The following TMPRSS9 variants were observed in gnomAD, a reference collection of about 807,000 sequenced individuals.
The protein encoded by TMPRSS9 is transmembrane serine protease 9.
Under a neutral mutation model 111.4 loss-of-function variants are expected in TMPRSS9, and 113 were observed. That is an observed-to-expected ratio of 1.01 (90% CI 0.87 to 1.19). TMPRSS9 has a LOEUF of 1.19. Ranked by LOEUF, TMPRSS9 falls within the 50% of genes most tolerant of loss-of-function variation. The pLI, the probability that TMPRSS9 is intolerant of heterozygous loss-of-function variation, is 0.00. For synonymous variants in TMPRSS9, 805 were observed against 659.1 expected (o/e 1.22, Z -3.39); for missense variants, 1,803 against 1,513.1 (o/e 1.19, Z -3.18).
chr19:2,411,006 A>G (rs1185534065), intron 9 of TMPRSS9, among the ~76,000 whole-genome samples: 1 of 152,116 alleles, frequency 6.6e-6, no homozygotes, highest in Non-Finnish European at 1.5e-5. Context: ...GCTCAACTCA[A>G]GAAGGTTCCA....
intron 1 of TMPRSS9, among the ~76,000 whole-genome samples, chr19:2,384,304 G>A (rs1401763567): frequency 6.6e-6 from 1 of 152,232 alleles, no homozygotes; most frequent in Non-Finnish European, 1.5e-5. Flanking sequence ...ACCCTCTGCA[G>A]AGAAAGGCGT....
chr19:2,414,718 T>C (rs191058699), intron 10 of TMPRSS9, among the ~76,000 whole-genome samples: 360 of 150,904 alleles, frequency 2.4e-3, no homozygotes, highest in Non-Finnish European at 3.6e-3. Context: ...ATACTAAAAA[T>C]TAGCTGGGCA....
chr19:2,418,294 T>C (rs1284457737), intron 13 of TMPRSS9, among the ~76,000 whole-genome samples, 156 bp downstream of exon 14: 1,435 of 78,178 alleles, frequency 0.018, 120 homozygotes, highest in East Asian at 0.16. Context: ...TTTCCTCCTT[T>C]CCTTCCCTCC....
intron 1 of TMPRSS9, among the ~76,000 whole-genome samples, chr19:2,379,616 T>TCTTTCTTTCTTTCTTC (rs1568170711): frequency 5.3e-4 from 5 of 9,418 alleles, no homozygotes; most frequent in African/African-American, 1.4e-3. Context: ...ACTTTCTTTC[T>TCTTTCTTTCTTTCTTC]CTTTCTTTCT....
rs547806282 is a variant in TMPRSS9, at chr19:2,379,432, G to A, written c.-25-10329G>A. ...AATCTCCTGACCTCGTGTTCTGCCC[G>A]CCTCGGCCTCCCAAAGTGCTGGGAT... On this transcript the variant is annotated intron_variant, in intron 1 of 17. Transcript: ENST00000649857. Among the ~76,000 whole-genome samples the A allele has an allele frequency of 5.1e-4, 78 of 151,794 alleles. 1 individual carries two copies. Among genetic ancestry groups the A allele is most frequent in the Admixed American group, 3.7e-3 (57 of 15,204 alleles).
chr19:2,401,352 G>T (rs1170711207), intron 4 of TMPRSS9, among the ~76,000 whole-genome samples: 2 of 152,142 alleles, frequency 1.3e-5, no homozygotes, highest in African/African-American at 2.4e-5. Flanking sequence ...TGCTGGTCGA[G>T]GTCTTAATAA....
At chr19:2,364,623 CAG>C (rs751732748) in intron 1 of TMPRSS9, among the ~76,000 whole-genome samples, 3 of 151,984 alleles carry the variant, frequency 2.0e-5, no homozygotes, top group East Asian at 3.9e-4. Flanking sequence ...GAAGATGGTG[CAG>C]AGAGTCCCCG....
upstream of TMPRSS9, chr19:2,389,652 G>T: frequency 8.2e-6 from 9 of 1,096,950 alleles, no homozygotes; most frequent in South Asian, 1.5e-4. Flanking sequence ...ACAGGCGTGA[G>T]CCACCGCGCC....
chr19:2,386,999 T>C (rs1326452826), upstream of TMPRSS9, among the ~76,000 whole-genome samples: 1 of 151,940 alleles, frequency 6.6e-6, no homozygotes, highest in African/African-American at 2.4e-5. Context: ...GGAGGGAAGG[T>C]TGCCTGAGGC....
At chr19:2,420,822 T>C (rs557625436) in intron 13 of TMPRSS9, among the ~76,000 whole-genome samples, 2 of 152,348 alleles carry the variant, frequency 1.3e-5, no homozygotes, top group South Asian at 4.1e-4. Context: ...ACAATAAAAA[T>C]AGAATAATAG....
At position 2,408,340 on chromosome 19, in the gene TMPRSS9, G is replaced by T. The variant is rs375401304; in HGVS notation, c.843-16G>T. 186 of 1,607,684 alleles carry T rather than the reference G, an allele frequency of 1.2e-4. No homozygotes were observed. Among genetic ancestry groups the T allele is most frequent in the Middle Eastern group, 6.8e-4 (4 of 5,856 alleles). On this transcript the variant is annotated splice_polypyrimidine_tract_variant and intron_variant, in intron 7 of 17. Coordinates refer to ENST00000648592, the Ensembl canonical transcript of TMPRSS9. ...CTGACCCTCGGTGGCTTCTGAGCTG[G>T]GGTTTGCTCCTGCAGGTTCCAAGAC...
chr19:2,423,293 TTC>T (rs1793691668), intron 14 of TMPRSS9, among the ~76,000 whole-genome samples: 2 of 150,742 alleles, frequency 1.3e-5, no homozygotes, highest in South Asian at 4.2e-4. Flanking sequence ...TACAGGCGGG[TTC>T]TGTGTGGAGG....
At chr19:2,404,703 G>T (rs547119554) in intron 6 of TMPRSS9, among the ~76,000 whole-genome samples, 1 of 152,102 alleles carries the variant, frequency 6.6e-6, no homozygotes, top group Non-Finnish European at 1.5e-5. Flanking sequence ...CGCCGAGGCA[G>T]GCAGATCACT....
At position 2,399,126 on chromosome 19, in the gene TMPRSS9, G is replaced by T. The variant is rs1970773014; in HGVS notation, c.447G>T (p.Arg149=). ...AGGAGCTATTGCAGCGAGGGATCCG[G>T]GCAAGGCTGCGGGAGCACGGCATCT... is the stretch of plus-strand genomic sequence containing the variant. Residue 149 remains arginine (R), a synonymous_variant, in exon 4 of 18, where the codon CGG becomes CGT. Transcript: ENST00000648592. 5 of 1,613,610 alleles carry T rather than the reference G, an allele frequency of 3.1e-6. 1 individual carries two copies. In the African/African-American group the frequency reaches 4.0e-5, roughly 13 times the overall value.
intron 1 of TMPRSS9, among the ~76,000 whole-genome samples, chr19:2,374,248 CTTT>C (rs1027376774): frequency 3.4e-4 from 24 of 70,420 alleles, no homozygotes; most frequent in African/African-American, 8.4e-4. Context: ...TCTCAACAAT[CTTT>C]TTTTTTTTTT....
At chr19:2,415,559 T>C (rs1277419192) in intron 10 of TMPRSS9, 111 bp from the exon 12 acceptor site, 13 of 1,024,268 alleles carry the variant, frequency 1.3e-5, no homozygotes, top group Middle Eastern at 6.6e-4. Flanking sequence ...ACGGGAGGGA[T>C]TGCGGCATCT....
intron 1 of TMPRSS9, among the ~76,000 whole-genome samples, chr19:2,394,328 A>C (rs1745050100): frequency 6.6e-6 from 1 of 152,154 alleles, no homozygotes; most frequent in Non-Finnish European, 1.5e-5. Flanking sequence ...TCGAGGCTGC[A>C]GTGAGCAGTG....
Position 2,407,922 on chromosome 19 carries a change from T to A in TMPRSS9, c.843-434T>A, listed in dbSNP as rs529557648. ...CCTCAGCCTCCTGAGTGGCTGGGAT[T>A]ACAGGCGCCCATCACTATGCCCGGC... On this transcript the variant is annotated intron_variant, in intron 7 of 17. Coordinates refer to ENST00000648592, the Ensembl canonical transcript of TMPRSS9. 2.0e-5 allele frequency among the ~76,000 whole-genome samples: 3 copies of A among 152,154 alleles called. No individual in the cohort carries two copies. In the South Asian group the frequency reaches 6.2e-4, roughly 32 times the overall value.
intron 1 of TMPRSS9, among the ~76,000 whole-genome samples, chr19:2,382,424 G>A (rs569075499): frequency 2.0e-5 from 3 of 152,254 alleles, no homozygotes; most frequent in South Asian, 2.1e-4. Context: ...GAGCCACCGC[G>A]CCCGGTCAAA....
Sources: gnomAD v4.1 joint callset for allele counts (sites outside exome capture counted in the v4.1 genomes callset) on GRCh38, gnomAD v4.1.1 for gene constraint, MANE v1.5 for transcripts, NCBI Gene and HGNC (gene_info 2026-07-23, HGNC 2026-07-21) for gene names.